SGCZ: variants seen among roughly 807,000 people sequenced by gnomAD.
SGCZ encodes the protein sarcoglycan zeta.
In SGCZ, 40 loss-of-function variants were observed where a neutral mutation model predicts 41.3. The ratio of observed to expected loss-of-function variants is 0.97; its 90% CI spans 0.75 to 1.26. The LOEUF (loss-of-function observed/expected upper bound fraction) is 1.26. SGCZ is among the 50% of genes most tolerant of loss of function. SGCZ has a pLI of 0.00. For missense variants in SGCZ, 552 were observed against 369.8 expected, an observed-to-expected ratio of 1.49 and a Z score of -4.04; for synonymous variants, 206 against 137.5, an observed-to-expected ratio of 1.50 and a Z score of -3.49.
intron 1 of SGCZ, among the ~76,000 whole-genome samples, chr8:14,958,747 G>T (rs1800872519): frequency 6.6e-6 from 1 of 152,048 alleles, no homozygotes; most frequent in South Asian, 2.1e-4. Context: ...AAAAAATATT[G>T]AACTCTATGA....
chr8:14,242,962 C>G (rs556502076), intron 3 of SGCZ, among the ~76,000 whole-genome samples: 2 of 152,330 alleles, frequency 1.3e-5, no homozygotes, highest in South Asian at 4.1e-4. Context: ...TACTCACACA[C>G]ACAAACACAT....
intron 2 of SGCZ, among the ~76,000 whole-genome samples, chr8:14,361,874 G>A (rs1430947246): frequency 1.3e-5 from 2 of 152,140 alleles, no homozygotes; most frequent in African/African-American, 4.8e-5. Flanking sequence ...TGGTGTGGAT[G>A]TCCTTTTTGT....
At chr8:14,844,252 C>T (rs1296977243) in intron 1 of SGCZ, among the ~76,000 whole-genome samples, 1 of 152,008 alleles carries the variant, frequency 6.6e-6, no homozygotes, top group Non-Finnish European at 1.5e-5. Context: ...AAAAACAACC[C>T]TACAACGATT....
intron 1 of SGCZ, among the ~76,000 whole-genome samples, chr8:14,752,624 C>G (rs904611269): frequency 1.3e-5 from 2 of 152,096 alleles, no homozygotes; most frequent in Non-Finnish European, 2.9e-5. Context: ...ATAGGAGATA[C>G]TTGAAAAATA....
rs536595386 is a variant in SGCZ, at chr8:14,539,558, T to C, written c.234+15174A>G. Among the ~76,000 whole-genome samples the C allele has an allele frequency of 9.2e-5, 14 of 152,062 alleles. No homozygotes were observed. The South Asian group carries it at 1.5e-3, about 16-fold the overall frequency. ...CATTTTTTGCTTTTTTTTAAACTTA[T>C]TTTAAGTTCAGGGGTACAAGTACCG... On this transcript the variant is annotated intron_variant, in intron 2 of 7. Coordinates refer to ENST00000382080, the MANE Select transcript of SGCZ (RefSeq NM_139167.4).
chr8:14,937,531 T>G (rs1800124122), intron 1 of SGCZ, among the ~76,000 whole-genome samples: 1 of 152,066 alleles, frequency 6.6e-6, no homozygotes, highest in African/African-American at 2.4e-5. Context: ...GTTATCTCTT[T>G]GTTATATCAG....
chr8:15,015,362 A>C (rs577534508), intron 1 of SGCZ, among the ~76,000 whole-genome samples: 7 of 152,236 alleles, frequency 4.6e-5, no homozygotes, highest in African/African-American at 1.7e-4. Flanking sequence ...TGTCTGAAAA[A>C]CACTGTAAAA....
intron 1 of SGCZ, among the ~76,000 whole-genome samples, chr8:15,051,803 C>T (rs1044745727): frequency 2.0e-5 from 3 of 152,020 alleles, no homozygotes; most frequent in Admixed American, 1.3e-4. Context: ...GGTTTGAAAC[C>T]AGTGTTTTAA....
chr8:14,296,699 A>T (rs1801024045), intron 3 of SGCZ, among the ~76,000 whole-genome samples: 1 of 152,152 alleles, frequency 6.6e-6, no homozygotes, highest in African/African-American at 2.4e-5. Flanking sequence ...AGAGAAATCA[A>T]ATAAATATAG....
intron 1 of SGCZ, among the ~76,000 whole-genome samples, chr8:14,968,832 G>T (rs1440672452): frequency 6.6e-6 from 1 of 152,052 alleles, no homozygotes; most frequent in African/African-American, 2.4e-5. Context: ...ACAACTGGAG[G>T]CCAAGGCTTT....
In SGCZ at chr8:14,570,042, G is replaced by C. The variant is rs559026434; in HGVS notation, c.40-15116C>G. On this transcript the variant is annotated intron_variant, in intron 1 of 7. Transcript: ENST00000382080. Reference sequence around the variant, plus strand: ...CTCATTACCTTCATCTCCCTGATTTGTTTCTTTTTGGAAGTATTTATCTCT... The same window carrying C: ...CTCATTACCTTCATCTCCCTGATTTCTTTCTTTTTGGAAGTATTTATCTCT... 4.0e-5 allele frequency among the ~76,000 whole-genome samples: 6 copies of C among 149,874 alleles called. No homozygotes were observed. In the South Asian group the frequency reaches 1.1e-3, roughly 26 times the overall value.
intron 5 of SGCZ, among the ~76,000 whole-genome samples, chr8:14,120,698 G>C (rs149357762): frequency 3.9e-5 from 6 of 152,092 alleles, no homozygotes; most frequent in African/African-American, 1.4e-4. Flanking sequence ...AAACAAATTT[G>C]ACTTGAGAAA....
At chr8:14,192,541 T>A (rs1200489043) in intron 4 of SGCZ, among the ~76,000 whole-genome samples, 1 of 151,918 alleles carries the variant, frequency 6.6e-6, no homozygotes, top group Non-Finnish European at 1.5e-5. Flanking sequence ...ATACATTGCA[T>A]ATGATATTTG....
At chr8:14,719,839 G>A (rs1809821880) in intron 1 of SGCZ, among the ~76,000 whole-genome samples, 1 of 151,928 alleles carries the variant, frequency 6.6e-6, no homozygotes, top group South Asian at 2.1e-4. Context: ...CTTTTGCTGT[G>A]CAGAAGCTCT....
intron 1 of SGCZ, among the ~76,000 whole-genome samples, chr8:14,920,765 T>G (rs1799565731): frequency 1.3e-5 from 2 of 152,216 alleles, no homozygotes; most frequent in Non-Finnish European, 2.9e-5. Context: ...ATACTTAATT[T>G]ATACCTAATT....
In SGCZ at chr8:14,133,438, A is replaced by T. The variant is rs141780786; in HGVS notation, c.548-25203T>A. ...AGTTCTGAGACAGATGAAACAGAGA[A>T]GAGCATCTTTTCTTTCACGTAGTCT... On this transcript the variant is annotated intron_variant, in intron 5 of 7. Coordinates refer to ENST00000382080, the MANE Select transcript of SGCZ (RefSeq NM_139167.4). 5.5e-3 allele frequency among the ~76,000 whole-genome samples: 845 copies of T among 152,306 alleles called. 5 individuals are homozygous for T. The highest frequency in any genetic ancestry group is 0.019 in the African/African-American group (804 of 41,556).
At chr8:15,119,535 AG>A (rs1300130100) in intron 1 of SGCZ, among the ~76,000 whole-genome samples, 4 of 143,228 alleles carry the variant, frequency 2.8e-5, no homozygotes, top group Non-Finnish European at 5.9e-5. Context: ...TGTCTCAAAA[AG>A]AAAAGAAAAA....
chr8:14,493,212 C>T (rs1294553472), intron 2 of SGCZ, among the ~76,000 whole-genome samples: 1 of 151,878 alleles, frequency 6.6e-6, no homozygotes, highest in Admixed American at 6.6e-5. Context: ...AAAATCTGTT[C>T]TTTGTATTTC....
intron 4 of SGCZ, among the ~76,000 whole-genome samples, chr8:14,186,010 C>A (rs1006062735): frequency 6.6e-6 from 1 of 152,002 alleles, no homozygotes; most frequent in Non-Finnish European, 1.5e-5. Flanking sequence ...TTAGTTTGTC[C>A]CAATACAACC....
Sources: gnomAD v4.1 joint callset for allele counts (sites outside exome capture counted in the v4.1 genomes callset) on GRCh38, gnomAD v4.1.1 for gene constraint, MANE v1.5 for transcripts, NCBI Gene and HGNC (gene_info 2026-07-23, HGNC 2026-07-21) for gene names.